The following ATP8A2 variants were observed in gnomAD, a reference collection of about 807,000 sequenced individuals.
The protein encoded by ATP8A2 is ATPase phospholipid transporting 8A2, also known as phospholipid-transporting ATPase IB.
In ATP8A2, 100 loss-of-function variants were observed where a neutral mutation model predicts 165.6. The ratio of observed to expected loss-of-function variants is 0.60; its 90% CI spans 0.51 to 0.71. The LOEUF is 0.71. ATP8A2 is among the 30% of genes least tolerant of loss of function. ATP8A2 has a pLI of 0.00. For synonymous variants in ATP8A2, 543 were observed against 548.8 expected (o/e 0.99, Z 0.15); for missense variants, 1,227 against 1,479.5 (o/e 0.83, Z 2.80).
At chr13:25,585,651 A>G (rs1303363188) in intron 23 of ATP8A2, among the ~76,000 whole-genome samples, 1 of 152,188 alleles carries the variant, frequency 6.6e-6, no homozygotes, top group Non-Finnish European at 1.5e-5. Context: ...TGAGATACAT[A>G]TAGATTATCT....
chr13:25,513,418 C>T (rs543424389), intron 2 of ATP8A2, among the ~76,000 whole-genome samples: 38 of 143,410 alleles, frequency 2.6e-4, no homozygotes, highest in African/African-American at 8.9e-4. Flanking sequence ...GGAAGAGGCG[C>T]TCCTCACTTC....
intron 6 of ATP8A2, among the ~76,000 whole-genome samples, chr13:25,537,651 C>T (rs2137965719): frequency 6.6e-6 from 1 of 152,258 alleles, no homozygotes; most frequent in East Asian, 1.9e-4. Flanking sequence ...CCGTTCTACC[C>T]TACTGTATAC....
chr13:25,724,038 G>C (rs1338365887), intron 25 of ATP8A2, among the ~76,000 whole-genome samples: 1 of 152,160 alleles, frequency 6.6e-6, no homozygotes, highest in Non-Finnish European at 1.5e-5. Context: ...CATGAAAATG[G>C]GGCCCTCAGT....
At chr13:25,879,937 A>G (rs182870652) in intron 33 of ATP8A2, among the ~76,000 whole-genome samples, 17 of 152,310 alleles carry the variant, frequency 1.1e-4, no homozygotes, top group Admixed American at 3.9e-4. Context: ...AACTTTTTTG[A>G]AAATTCAGTA....
At position 25,888,344 on chromosome 13, in the gene ATP8A2, T is replaced by C. The variant is rs114004076; in HGVS notation, c.3183+25936T>C. Among the ~76,000 whole-genome samples, 649 of 152,314 alleles carry C rather than the reference T, an allele frequency of 4.3e-3. 2 individuals are homozygous for C. The highest frequency in any genetic ancestry group is 0.015 in the African/African-American group (625 of 41,566). On this transcript the variant is annotated intron_variant, in intron 33 of 36. Transcript: ENST00000381655. ...CACTTGTCCTCCTTAAACAACTTTA[T>C]CTAAAAGATGCCTATAAATATTTTG...
intron 33 of ATP8A2, among the ~76,000 whole-genome samples, chr13:25,871,710 C>A (rs988693916): frequency 6.6e-6 from 1 of 152,106 alleles, no homozygotes; most frequent in African/African-American, 2.4e-5. Context: ...TGTAACATAT[C>A]GAAGCATCCA....
intron 33 of ATP8A2, among the ~76,000 whole-genome samples, chr13:25,905,949 T>C (rs963002740): frequency 3.9e-5 from 6 of 152,208 alleles, no homozygotes; most frequent in Admixed American, 2.6e-4. Context: ...TCTTTGTTCT[T>C]TGTCTATACT....
intron 24 of ATP8A2, among the ~76,000 whole-genome samples, chr13:25,625,489 T>C (rs2041078185): frequency 6.6e-6 from 1 of 152,212 alleles, no homozygotes. Flanking sequence ...GCCTCAGCAA[T>C]TCAAAGATTA....
intron 1 of ATP8A2, among the ~76,000 whole-genome samples, chr13:25,449,599 T>C (rs2138229426): frequency 6.6e-6 from 1 of 152,364 alleles, no homozygotes; most frequent in East Asian, 1.9e-4. Flanking sequence ...ACATCTTGTG[T>C]ATCACTATTT....
At chr13:25,573,192 T>C (rs981204456) in intron 18 of ATP8A2, among the ~76,000 whole-genome samples, 1 of 152,172 alleles carries the variant, frequency 6.6e-6, no homozygotes, top group African/African-American at 2.4e-5. Flanking sequence ...TTTTCAGTTG[T>C]GTGGGTGCCA....
intron 27 of ATP8A2, among the ~76,000 whole-genome samples, chr13:25,788,087 A>G (rs1016343766): frequency 6.6e-6 from 1 of 152,198 alleles, no homozygotes; most frequent in African/African-American, 2.4e-5. Flanking sequence ...CACCCAGGCC[A>G]GCTGTGGGAC....
chr13:26,011,833 G>A (rs535303044), intron 35 of ATP8A2, among the ~76,000 whole-genome samples: 3 of 152,276 alleles, frequency 2.0e-5, no homozygotes, highest in Admixed American at 2.0e-4. Context: ...TACTCAGGAG[G>A]CTGAGGTGGG....
intron 27 of ATP8A2, among the ~76,000 whole-genome samples, chr13:25,822,253 G>A (rs1223748651): frequency 1.3e-5 from 2 of 151,688 alleles, no homozygotes; most frequent in African/African-American, 4.8e-5. Flanking sequence ...CATATATAAG[G>A]GTGTGGCATT....
intron 36 of ATP8A2, among the ~76,000 whole-genome samples, 173 bp downstream of exon 36, chr13:26,012,795 C>T (rs891073349): frequency 6.6e-6 from 1 of 151,964 alleles, no homozygotes; most frequent in Non-Finnish European, 1.5e-5. Flanking sequence ...GCCCCAGGAA[C>T]GTGCAGCTTG....
intron 1 of ATP8A2, among the ~76,000 whole-genome samples, chr13:25,412,314 A>T (rs1215634633): frequency 7.0e-6 from 1 of 142,656 alleles, no homozygotes; most frequent in Non-Finnish European, 1.6e-5. Context: ...AGCAGTATTC[A>T]AGAGTGAGAA....
Position 26,020,012 on chromosome 13 carries a change from GGAAA to G in ATP8A2, c.*30_*33del. 1 of 1,518,556 alleles carries G rather than the reference GGAAA, an allele frequency of 6.6e-7. No homozygotes were observed. The highest frequency in any genetic ancestry group is 9.1e-7 in the Non-Finnish European group (1 of 1,093,258). 94.1% of individuals were successfully genotyped at this position (1,518,556 alleles called of 1,614,324 possible). ...ACATGAATTTTCCTGACTGATCTTA[GGAAA>G]GAGATTCAGTTTGTTGCACCCAGTG... is the stretch of plus-strand genomic sequence containing the variant. On this transcript the variant is annotated 3_prime_UTR_variant, in exon 37 of 37. Transcript: ENST00000381655.
At chr13:25,634,078 A>G (rs904309978) in intron 24 of ATP8A2, among the ~76,000 whole-genome samples, 2 of 152,246 alleles carry the variant, frequency 1.3e-5, no homozygotes, top group African/African-American at 4.8e-5. Flanking sequence ...GAGACAAACA[A>G]ACTTTAATGC....
intron 33 of ATP8A2, among the ~76,000 whole-genome samples, chr13:25,946,655 G>T (rs1955221858): frequency 1.3e-5 from 2 of 152,138 alleles, no homozygotes; most frequent in Admixed American, 6.5e-5. Context: ...GTATCCTGTG[G>T]CATTACATCT....
At chr13:25,773,874 C>G (rs1263017068) in intron 26 of ATP8A2, among the ~76,000 whole-genome samples, 1 of 151,978 alleles carries the variant, frequency 6.6e-6, no homozygotes, top group African/African-American at 2.4e-5. Context: ...CTCTGTGTAT[C>G]TATGTGTGTA....
Sources: gnomAD v4.1 joint callset for allele counts (sites outside exome capture counted in the v4.1 genomes callset) on GRCh38, gnomAD v4.1.1 for gene constraint, MANE v1.5 for transcripts, NCBI Gene and HGNC (gene_info 2026-07-23, HGNC 2026-07-21) for gene names.